The following KIF4A variants were observed in gnomAD, a reference collection of about 807,000 sequenced individuals.
The protein encoded by KIF4A is kinesin family member 4A.
KIF4A carries 7 observed loss-of-function variants against 105.9 expected under a neutral mutation model. The observed-to-expected ratio is 0.07, with a 90% CI of 0.04 to 0.12. KIF4A has a LOEUF of 0.12. Among genes scored for constraint, KIF4A ranks in the 10% least tolerant of loss-of-function variants. The probability of loss-of-function intolerance (pLI) is 1.00; values close to 1 mark genes in which losing one functional copy is unlikely to be tolerated. For missense variants in KIF4A, 558 were observed against 929.2 expected (o/e 0.60, Z 5.19); for synonymous variants, 281 against 331.3 (o/e 0.85, Z 1.65).
chrX:70,365,394 C>A (rs1007700284), intron 15 of KIF4A, among the ~76,000 whole-genome samples: 2 of 111,425 alleles, frequency 1.8e-5, no homozygotes, highest in African/African-American at 6.5e-5. Context: ...ATAGATAGTT[C>A]TTATTATTTT....
At position 70,402,885 on chromosome X, in the gene KIF4A, T is replaced by C. The variant is rs141474768; in HGVS notation, c.2619+190T>C. ...AGGCCAGTCACTTACAAAAATATAATATGACTCACAAATTGATGCCCGTTG... is the reference window on the plus strand; with the variant it reads ...AGGCCAGTCACTTACAAAAATATAACATGACTCACAAATTGATGCCCGTTG... On this transcript the variant is annotated intron_variant, in intron 23 of 30. Coordinates refer to ENST00000374403, the MANE Select transcript of KIF4A (RefSeq NM_012310.5). Among the ~76,000 whole-genome samples the C allele has an allele frequency of 5.1e-3, 577 of 112,200 alleles. 4 individuals are homozygous for C. Among genetic ancestry groups the C allele is most frequent in the African/African-American group, 0.018 (544 of 30,915 alleles).
intron 20 of KIF4A, among the ~76,000 whole-genome samples, chrX:70,394,516 G>A (rs1482938169): frequency 9.0e-6 from 1 of 111,511 alleles, no homozygotes; most frequent in East Asian, 2.8e-4. Flanking sequence ...AATCCAATCT[G>A]AAAATCTCTA....
Position 70,348,560 on chromosome X carries a change from C to T in KIF4A, c.1432-4040C>T, listed in dbSNP as rs765431727. Among the ~76,000 whole-genome samples the T allele has an allele frequency of 1.2e-4, 13 of 110,791 alleles. No homozygotes were observed. In the East Asian group the frequency reaches 2.6e-3, roughly 22 times the overall value. On this transcript the variant is annotated intron_variant, in intron 13 of 30. Transcript: ENST00000374403. ...ATTAGGGAGTGATGATGACTCTTAA[C>T]GAGCATGCTGCCTTCAAGCATCTGT... is the stretch of plus-strand genomic sequence containing the variant.
intron 28 of KIF4A, among the ~76,000 whole-genome samples, chrX:70,416,376 G>A (rs1450683754): frequency 6.6e-5 from 5 of 75,750 alleles, no homozygotes; most frequent in African/African-American, 2.2e-4. Context: ...TTTTTGAGAC[G>A]AGGTCTCACT....
chrX:70,416,629 C>T (rs935324855), intron 28 of KIF4A, among the ~76,000 whole-genome samples: 5 of 111,839 alleles, frequency 4.5e-5, no homozygotes, highest in South Asian at 7.5e-4. Context: ...AGCCACCGCA[C>T]GGTCTACTTT....
At chrX:70,343,498 AG>A (rs763496414) in intron 11 of KIF4A, among the ~76,000 whole-genome samples, 47 of 111,656 alleles carry the variant, frequency 4.2e-4, no homozygotes, top group African/African-American at 1.5e-3. Context: ...TGCTATTTTT[AG>A]TAGCTCATGT....
rs766706781 is a variant in KIF4A at position 70,397,391 on chromosome X, A to AGAAAG, written c.2489+1361_2489+1365dup. Among the ~76,000 whole-genome samples, 22 of 111,404 alleles carry AGAAAG rather than the reference A, an allele frequency of 2.0e-4. No homozygotes were observed. In the East Asian group the frequency reaches 2.3e-3, roughly 11 times the overall value. ...AAAAATGAAAGGCAGACAGACAGAAAGAAAGGAAAGGAAAGGAAAGGAAGG... is the reference window on the plus strand; with the variant it reads ...AAAAATGAAAGGCAGACAGACAGAAAGAAAGGAAAGGAAAGGAAAGGAAAGGAAGG... On this transcript the variant is annotated intron_variant, in intron 22 of 30. Coordinates refer to ENST00000374403, the MANE Select transcript of KIF4A (RefSeq NM_012310.5).
chrX:70,371,434 G>A (rs1205391829), intron 15 of KIF4A, among the ~76,000 whole-genome samples: 4 of 111,470 alleles, frequency 3.6e-5, no homozygotes, highest in East Asian at 2.9e-4. Context: ...CTTTCCCCCC[G>A]CTCTATTCCA....
intron 28 of KIF4A, among the ~76,000 whole-genome samples, chrX:70,412,201 C>T (rs1487073635): frequency 9.0e-6 from 1 of 111,691 alleles, no homozygotes; most frequent in Non-Finnish European, 1.9e-5. Flanking sequence ...TTTATCTAAC[C>T]TCTTCTTGCT....
At chrX:70,315,668 A>G (rs1487016524) in intron 7 of KIF4A, among the ~76,000 whole-genome samples, 2 of 111,903 alleles carry the variant, frequency 1.8e-5, no homozygotes, top group African/African-American at 6.5e-5. Context: ...GTTTCTGCCC[A>G]TGAGCTAGCA....
At position 70,403,980 on chromosome X, in the gene KIF4A, A is replaced by G. The variant is rs774417639; in HGVS notation, c.2736A>G (p.Ile912Met). 1.7e-6 allele frequency: 2 copies of G among 1,211,875 alleles called. No individual in the cohort carries two copies. Among genetic ancestry groups the G allele is most frequent in the Non-Finnish European group, 1.1e-6 (1 of 895,519 alleles). ...AGGAACGAAATCATTTTGCCGAGAT[A>G]GAGACAGAGTTACAAGCTGAGCTGG... is the stretch of plus-strand genomic sequence containing the variant. Reference protein sequence around the residue: ...LFEERNHFAEIETELQAELVR... With the variant: ...LFEERNHFAEMETELQAELVR... Residue 912 changes from isoleucine (I) to methionine (M), a missense_variant, in exon 24 of 31, where the codon ATA (isoleucine) becomes ATG (methionine). Ile to Met is a conservative substitution (Grantham distance 10, BLOSUM62 1). Around this residue, in one of 2 missense-constraint regions of KIF4A, gnomAD observed 469 missense variants for 680.4 expected, o/e 0.69. Transcript: ENST00000374403.
chrX:70,333,553 G>A (rs1283544685), intron 9 of KIF4A, 75 bp from the exon 10 acceptor site: 4 of 689,109 alleles, frequency 5.8e-6, no homozygotes, highest in East Asian at 3.2e-5. Context: ...ATTGCTAATT[G>A]TGGTAATTTT....
Position 70,417,887 on chromosome X carries a change from G to C in KIF4A, c.3256-1G>C. ...TGTCTTTCTGCAAACCTGTTTTGCA[G>C]TGTTCCTGCAAGGGCTGGTGTGGAA... On this transcript the variant is annotated splice_acceptor_variant, in intron 28 of 30. Coordinates refer to ENST00000374403, the MANE Select transcript of KIF4A (RefSeq NM_012310.5). LOFTEE classifies it high-confidence loss of function. 8.3e-7 allele frequency: 1 copy of C among 1,204,020 alleles called. No homozygotes were observed. Among genetic ancestry groups the C allele is most frequent in the South Asian group, 1.8e-5 (1 of 55,980 alleles).
chrX:70,308,837 TGAG>T (rs1379671082), intron 7 of KIF4A, among the ~76,000 whole-genome samples: 12 of 112,349 alleles, frequency 1.1e-4, no homozygotes, highest in Non-Finnish European at 3.8e-5. Flanking sequence ...CTCGAACTCC[TGAG>T]CTCAAGCAAT....
chrX:70,409,374 C>T (rs748294764), intron 28 of KIF4A, among the ~76,000 whole-genome samples: 15 of 111,581 alleles, frequency 1.3e-4, no homozygotes, highest in African/African-American at 2.3e-4. Flanking sequence ...TGGGGCAGAG[C>T]GTGTCTCTTT....
chrX:70,347,746 C>T (rs945499070), intron 13 of KIF4A, among the ~76,000 whole-genome samples: 2 of 105,073 alleles, frequency 1.9e-5, no homozygotes, highest in African/African-American at 7.0e-5. Context: ...GAGGCCGAGG[C>T]GGGCGGATCA....
At chrX:70,418,957 T>C (rs959736864) in intron 29 of KIF4A, among the ~76,000 whole-genome samples, 17 of 110,504 alleles carry the variant, frequency 1.5e-4, no homozygotes, top group African/African-American at 5.3e-4. Flanking sequence ...TGGTAGTGGG[T>C]GCCTATAGTC....
intron 18 of KIF4A, among the ~76,000 whole-genome samples, chrX:70,378,012 A>G (rs1197846247): frequency 8.9e-6 from 1 of 112,689 alleles, no homozygotes; most frequent in Non-Finnish European, 1.9e-5. Context: ...TAACAAAAAT[A>G]AATTTAGGAA....
intron 20 of KIF4A, 126 bp from the exon 21 acceptor site, chrX:70,395,545 T>G: frequency 1.2e-6 from 1 of 837,507 alleles, no homozygotes; most frequent in South Asian, 2.5e-5. Context: ...AGTGTAGGTA[T>G]GAATGGATAT....
Sources: gnomAD v4.1 joint callset for allele counts (sites outside exome capture counted in the v4.1 genomes callset) on GRCh38, gnomAD v4.1.1 for gene constraint, gnomAD v4.1.1 regional missense constraint, MANE v1.5 for transcripts, NCBI Gene and HGNC (gene_info 2026-07-23, HGNC 2026-07-21) for gene names.